Variants in PACS1 observed in about 807,000 individuals in gnomAD.
The protein encoded by PACS1 is phosphofurin acidic cluster sorting protein 1, also known as PACS-1.
A neutral mutation model predicts 115.0 loss-of-function variants in PACS1; 24 were observed. That is an observed-to-expected ratio of 0.21 (90% CI 0.15 to 0.29). The LOEUF is 0.29. Ranked by LOEUF, PACS1 falls within the 10% of genes least tolerant of loss-of-function variation. The pLI is 1.00. For missense variants in PACS1, 838 were observed against 1,251.2 expected, an observed-to-expected ratio of 0.67 and a Z score of 4.98; for synonymous variants, 453 against 504.5, an observed-to-expected ratio of 0.90 and a Z score of 1.37.
At chr11:66,190,869 G>C (rs1316818321) in intron 1 of PACS1, among the ~76,000 whole-genome samples, 1 of 152,184 alleles carries the variant, frequency 6.6e-6, no homozygotes, top group African/African-American at 2.4e-5. Context: ...TGTCAGGAGA[G>C]TGTTTTAGGA....
intron 1 of PACS1, among the ~76,000 whole-genome samples, chr11:66,171,668 C>T (rs1240099684): frequency 1.3e-5 from 2 of 150,036 alleles, no homozygotes; most frequent in Non-Finnish European, 2.9e-5. Context: ...CAAGCTCCGC[C>T]TCCCAGGTTC....
At chr11:66,121,888 T>A (rs1232706316) in intron 1 of PACS1, among the ~76,000 whole-genome samples, 1 of 152,236 alleles carries the variant, frequency 6.6e-6, no homozygotes, top group African/African-American at 2.4e-5. Context: ...ATGCAGAAGC[T>A]GTAGCAAGTA....
At chr11:66,150,709 TAG>T (rs937013117) in intron 1 of PACS1, among the ~76,000 whole-genome samples, 10 of 152,194 alleles carry the variant, frequency 6.6e-5, no homozygotes, top group Non-Finnish European at 1.2e-4. Flanking sequence ...TCTGTTGGAT[TAG>T]AGGAAATTTC....
chr11:66,219,364 G>A (rs768071160), intron 7 of PACS1, among the ~76,000 whole-genome samples: 6 of 151,864 alleles, frequency 4.0e-5, no homozygotes, highest in African/African-American at 7.3e-5. Flanking sequence ...GGGACGCTGC[G>A]TTCCACCGTG....
Position 66,171,838 on chromosome 11 carries a change from C to T in PACS1, c.357-21648C>T, listed in dbSNP as rs191687227. The stretch of plus-strand genomic sequence containing the variant: ...TTGTGATCCGCCCGCCTCGGCCTCC[C>T]AAAGTGCTGGGATTACAGGCTTGAG... On this transcript the variant is annotated intron_variant, in intron 1 of 23. Transcript: ENST00000320580. Among the ~76,000 whole-genome samples, 761 of 151,670 alleles carry T rather than the reference C, an allele frequency of 5.0e-3. 13 individuals carry two copies. The highest frequency in any genetic ancestry group is 0.018 in the African/African-American group (719 of 40,976).
At chr11:66,085,648 G>A (rs1857554195) in intron 1 of PACS1, among the ~76,000 whole-genome samples, 1 of 152,142 alleles carries the variant, frequency 6.6e-6, no homozygotes, top group Admixed American at 6.6e-5. Context: ...TCTCTTTACA[G>A]TTCTTAACAA....
intron 11 of PACS1, 87 bp downstream of exon 11, chr11:66,227,671 C>A: frequency 1.2e-6 from 1 of 801,914 alleles, no homozygotes; most frequent in Non-Finnish European, 2.0e-6. Flanking sequence ...TCAGGACCAC[C>A]ATAGAAATTT....
chr11:66,156,555 T>C (rs1859365349), intron 1 of PACS1, among the ~76,000 whole-genome samples: 1 of 151,942 alleles, frequency 6.6e-6, no homozygotes, highest in African/African-American at 2.4e-5. Context: ...TAAAGTTGTT[T>C]TTTAAAAAAA....
At chr11:66,242,074 G>A (rs1855826818) in intron 22 of PACS1, among the ~76,000 whole-genome samples, 1 of 152,210 alleles carries the variant, frequency 6.6e-6, no homozygotes, top group Admixed American at 6.5e-5. Context: ...TGAGCAAAAG[G>A]ACGTGGTTGT....
At chr11:66,094,372 C>T (rs879825281) in intron 1 of PACS1, among the ~76,000 whole-genome samples, 13 of 150,388 alleles carry the variant, frequency 8.6e-5, no homozygotes, top group Non-Finnish European at 1.8e-4. Context: ...ATATCACCAC[C>T]GATCCCACAG....
intron 5 of PACS1, 81 bp downstream of exon 5, chr11:66,216,344 T>C: frequency 1.3e-6 from 2 of 1,562,426 alleles, no homozygotes; most frequent in Non-Finnish European, 1.8e-6. Context: ...GCCTGAGATG[T>C]TCCTGGGCAA....
rs532178492 is a variant in PACS1, at chr11:66,201,818, G to A, written c.444+8245G>A. 1.1e-4 allele frequency among the ~76,000 whole-genome samples: 17 copies of A among 151,890 alleles called. 1 individual carries two copies. Among genetic ancestry groups the A allele is most frequent in the African/African-American group, 3.4e-4 (14 of 41,428 alleles). On this transcript the variant is annotated intron_variant, in intron 2 of 23. Coordinates refer to ENST00000320580, the MANE Select transcript of PACS1 (RefSeq NM_018026.4). ...GGGATTACAGGCGCGCACCACCATC[G>A]CGGCTAATTTTTGTATTTTTAGTAG... is the stretch of plus-strand genomic sequence containing the variant.
At chr11:66,208,792 A>AT (rs1855005048) in intron 2 of PACS1, among the ~76,000 whole-genome samples, 2 of 152,116 alleles carry the variant, frequency 1.3e-5, no homozygotes, top group South Asian at 2.1e-4. Context: ...CTTAGAATTT[A>AT]TTTTTTTGGA....
intron 1 of PACS1, among the ~76,000 whole-genome samples, chr11:66,118,653 G>A (rs533620061): frequency 6.6e-5 from 10 of 151,120 alleles, no homozygotes; most frequent in South Asian, 2.1e-4. Flanking sequence ...TAGGCCAGGC[G>A]TGGTAGCTCA....
chr11:66,168,442 C>T (rs912540080), intron 1 of PACS1, among the ~76,000 whole-genome samples: 33 of 150,250 alleles, frequency 2.2e-4, no homozygotes, highest in Middle Eastern at 3.4e-3. Context: ...GTAGAGACAG[C>T]GTAGAGTAGT....
intron 1 of PACS1, among the ~76,000 whole-genome samples, chr11:66,182,463 G>A (rs1474453761): frequency 1.3e-5 from 2 of 151,692 alleles, no homozygotes; most frequent in African/African-American, 2.4e-5. Context: ...AAATTTAGTT[G>A]CTTTGCTTTT....
intron 1 of PACS1, among the ~76,000 whole-genome samples, chr11:66,082,667 A>G (rs901787722): frequency 4.6e-5 from 7 of 152,150 alleles, no homozygotes. Flanking sequence ...TTACCTGGCC[A>G]ACATGGTGAA....
At chr11:66,109,580 T>C (rs1257635187) in intron 1 of PACS1, among the ~76,000 whole-genome samples, 2 of 152,196 alleles carry the variant, frequency 1.3e-5, no homozygotes, top group Admixed American at 1.3e-4. Flanking sequence ...TTTCTTCATC[T>C]TCACCTGGCT....
intron 1 of PACS1, among the ~76,000 whole-genome samples, chr11:66,172,190 T>A (rs1157650851): frequency 6.6e-6 from 1 of 152,214 alleles, no homozygotes; most frequent in Non-Finnish European, 1.5e-5. Context: ...CTTGATCTTC[T>A]TTCTGGGACC....
Sources: allele counts gnomAD v4.1 joint callset (sites outside exome capture counted in the v4.1 genomes callset), GRCh38; gene constraint gnomAD v4.1.1; transcripts MANE v1.5; gene names NCBI Gene and HGNC (gene_info 2026-07-23, HGNC 2026-07-21).